Variants in ARHGAP22 observed in about 807,000 individuals in gnomAD.
The protein encoded by ARHGAP22 is rho GTPase-activating protein 22.
ARHGAP22 carries 48 observed loss-of-function variants against 59.1 expected under a neutral mutation model. The ratio of observed to expected loss-of-function variants is 0.81; its 90% CI spans 0.64 to 1.03. ARHGAP22 has a LOEUF of 1.03. Ranked by LOEUF, ARHGAP22 falls within the 50% of genes least tolerant of loss-of-function variation. ARHGAP22 has a pLI of 0.00. For missense variants in ARHGAP22, 1,015 were observed against 958.7 expected (o/e 1.06, Z -0.78); for synonymous variants, 445 against 416.4 (o/e 1.07, Z -0.84).
In ARHGAP22 at chr10:48,517,741, G is replaced by C. The variant is rs1589885533; in HGVS notation, c.322+37722C>G. ...GACTCCTCTCCAAGCAGGTAGGAGG[G>C]GGTGCCGGGACTTCTCGTGTCCTGT... On this transcript the variant is annotated intron_variant, in intron 3 of 9. Coordinates refer to ENST00000249601, the MANE Select transcript of ARHGAP22 (RefSeq NM_021226.4). 2.0e-5 allele frequency among the ~76,000 whole-genome samples: 3 copies of C among 152,150 alleles called. 1 individual carries two copies. The South Asian group carries it at 6.2e-4, about 32-fold the overall frequency.
intron 1 of ARHGAP22, among the ~76,000 whole-genome samples, chr10:48,649,982 C>T (rs538633407): frequency 1.6e-4 from 21 of 131,246 alleles, no homozygotes; most frequent in East Asian, 1.3e-3. Flanking sequence ...CTGAGAAAGA[C>T]GGAGGGAGGG....
chr10:48,630,865 T>C (rs2061606068), intron 1 of ARHGAP22, among the ~76,000 whole-genome samples: 1 of 152,234 alleles, frequency 6.6e-6, no homozygotes, highest in Non-Finnish European at 1.5e-5. Flanking sequence ...CCCAACATAG[T>C]GGGAGAACAT....
At chr10:48,518,550 A>G (rs2053515041) in intron 3 of ARHGAP22, among the ~76,000 whole-genome samples, 1 of 152,222 alleles carries the variant, frequency 6.6e-6, no homozygotes, top group East Asian at 1.9e-4. Flanking sequence ...GGCAGAGAGA[A>G]ATGAGGGAAG....
intron 3 of ARHGAP22, among the ~76,000 whole-genome samples, chr10:48,534,365 C>A (rs1272026617): frequency 6.6e-6 from 1 of 152,230 alleles, no homozygotes; most frequent in Non-Finnish European, 1.5e-5. Context: ...CCTGCCCCCA[C>A]CTGCTCTTTC....
At chr10:48,619,678 A>G (rs1352817075) in intron 1 of ARHGAP22, among the ~76,000 whole-genome samples, 3 of 152,222 alleles carry the variant, frequency 2.0e-5, no homozygotes, top group African/African-American at 7.2e-5. Flanking sequence ...CTTCTCTCAT[A>G]CTGTATACTA....
intron 1 of ARHGAP22, among the ~76,000 whole-genome samples, chr10:48,598,057 C>A (rs750469441): frequency 1.3e-5 from 2 of 152,254 alleles, no homozygotes; most frequent in African/African-American, 2.4e-5. Flanking sequence ...CTGTCTGGGG[C>A]TACAAGACCA....
intron 1 of ARHGAP22, among the ~76,000 whole-genome samples, chr10:48,595,079 G>C (rs1264216999): frequency 2.0e-5 from 3 of 152,202 alleles, no homozygotes; most frequent in Admixed American, 6.5e-5. Flanking sequence ...CAGCTCTGGA[G>C]ATACTCCCTG....
At chr10:48,562,453 G>T (rs1204660971) in intron 2 of ARHGAP22, among the ~76,000 whole-genome samples, 1 of 152,130 alleles carries the variant, frequency 6.6e-6, no homozygotes, top group Non-Finnish European at 1.5e-5. Flanking sequence ...ATACTACCCA[G>T]CAATATGAAT....
intron 3 of ARHGAP22, among the ~76,000 whole-genome samples, chr10:48,503,547 C>G (rs1360534523): frequency 6.6e-6 from 1 of 152,350 alleles, no homozygotes; most frequent in East Asian, 1.9e-4. Flanking sequence ...CCTGCTAACA[C>G]CACGTACATG....
Position 48,446,341 on chromosome 10 carries a change from A to G in ARHGAP22, c.*50T>C. The G allele has an allele frequency of 6.3e-7, 1 of 1,596,960 alleles. No homozygotes were observed. Among genetic ancestry groups the G allele is most frequent in the Non-Finnish European group, 8.6e-7 (1 of 1,167,330 alleles). ...GATACAGACGCTTCTAACTCCATAC[A>G]AGGCTGGAGACCAGCAGACGTGGTA... On this transcript the variant is annotated 3_prime_UTR_variant, in exon 10 of 10. Transcript: ENST00000249601.
In ARHGAP22 at chr10:48,530,236, C is replaced by CAA. The variant is rs60902650; in HGVS notation, c.322+25225_322+25226dup. ...TGGGAGGCAGAGTGAGACTCCATTG[C>CAA]AAAAAAAAAAAAAAAAAAAAAAAAA... is the stretch of plus-strand genomic sequence containing the variant. On this transcript the variant is annotated intron_variant, in intron 3 of 9. Coordinates refer to ENST00000249601, the MANE Select transcript of ARHGAP22 (RefSeq NM_021226.4). Among the ~76,000 whole-genome samples, 162 of 49,022 alleles carry CAA rather than the reference C, an allele frequency of 3.3e-3. 14 individuals are homozygous for CAA. In the East Asian group the frequency reaches 0.041, roughly 12 times the overall value. The allele number at this position is 49,022 out of a possible 152,430, so 32.2% of individuals were successfully genotyped here. A position where few individuals can be genotyped will look rare whatever the true frequency, so the allele number is the denominator to read the frequency against.
rs777176506 is a variant in ARHGAP22 at position 48,453,667 on chromosome 10, A to G, written c.867-242T>C. Among the ~76,000 whole-genome samples, 144 of 152,226 alleles carry G rather than the reference A, an allele frequency of 9.5e-4. 4 individuals are homozygous for G. Among genetic ancestry groups the G allele is most frequent in the Non-Finnish European group, 2.6e-4 (18 of 68,040 alleles). ...ACCGCTATTTGTGTGAAAGGAGGACAAGACTCTGCAAATTGTAGTGGGCAC... is the reference window on the plus strand; with the variant it reads ...ACCGCTATTTGTGTGAAAGGAGGACGAGACTCTGCAAATTGTAGTGGGCAC... On this transcript the variant is annotated intron_variant, in intron 7 of 9. Transcript: ENST00000249601.
intron 3 of ARHGAP22, among the ~76,000 whole-genome samples, chr10:48,537,263 G>T (rs1168795509): frequency 9.8e-5 from 15 of 152,328 alleles, no homozygotes; most frequent in African/African-American, 3.6e-4. Flanking sequence ...CTTCTCCAGC[G>T]TTATTCCTGC....
At chr10:48,628,591 G>A (rs149712096) in intron 1 of ARHGAP22, among the ~76,000 whole-genome samples, 1 of 152,296 alleles carries the variant, frequency 6.6e-6, no homozygotes, top group East Asian at 1.9e-4. Flanking sequence ...CCACTCCATA[G>A]GTCCAGAAAT....
chr10:48,478,203 C>T (rs2048924133), intron 4 of ARHGAP22, among the ~76,000 whole-genome samples: 1 of 152,204 alleles, frequency 6.6e-6, no homozygotes, highest in African/African-American at 2.4e-5. Flanking sequence ...GCAGAAATCC[C>T]TGGGTGGGCT....
chr10:48,645,762 CCA>C (rs1296303678), intron 1 of ARHGAP22, among the ~76,000 whole-genome samples: 1 of 152,074 alleles, frequency 6.6e-6, no homozygotes, highest in Non-Finnish European at 1.5e-5. Context: ...GCCACTTTCT[CCA>C]CTTCTAGTCA....
chr10:48,517,538 A>T (rs1367302127), intron 3 of ARHGAP22, among the ~76,000 whole-genome samples: 1 of 152,082 alleles, frequency 6.6e-6, no homozygotes, highest in African/African-American at 2.4e-5. Flanking sequence ...GGGAGTTCAG[A>T]CCTCTGAAGC....
At chr10:48,498,601 G>A (rs748484537) in intron 3 of ARHGAP22, among the ~76,000 whole-genome samples, 7 of 152,194 alleles carry the variant, frequency 4.6e-5, no homozygotes, top group Non-Finnish European at 7.3e-5. Flanking sequence ...TACCCGCTCT[G>A]CACACAATAG....
chr10:48,514,857 G>T (rs765826327), intron 3 of ARHGAP22, among the ~76,000 whole-genome samples: 12 of 152,082 alleles, frequency 7.9e-5, no homozygotes, highest in Non-Finnish European at 1.8e-4. Flanking sequence ...GTAAACCACT[G>T]AAGTATTAAT....
Sources: allele counts gnomAD v4.1 joint callset (sites outside exome capture counted in the v4.1 genomes callset), GRCh38; gene constraint gnomAD v4.1.1; transcripts MANE v1.5; gene names NCBI Gene and HGNC (gene_info 2026-07-23, HGNC 2026-07-21).